Variants in RBFOX3 observed in about 807,000 individuals in gnomAD.
RBFOX3 encodes RNA binding protein fox-1 homolog 3.
A neutral mutation model predicts 48.7 loss-of-function variants in RBFOX3; 17 were observed. The observed-to-expected ratio is 0.35, with a 90% CI of 0.24 to 0.52. The LOEUF (loss-of-function observed/expected upper bound fraction) is 0.52. RBFOX3 is among the 20% of genes least tolerant of loss of function. RBFOX3 has a pLI of 0.94. For synonymous variants in RBFOX3, 212 were observed against 209.5 expected (o/e 1.01, Z -0.10); for missense variants, 382 against 497.5 (o/e 0.77, Z 2.21).
intron 1 of RBFOX3, among the ~76,000 whole-genome samples, chr17:79,507,085 G>A (rs1419346800): frequency 2.0e-5 from 3 of 152,178 alleles, no homozygotes; most frequent in African/African-American, 7.2e-5. Flanking sequence ...GAGCGGAGGA[G>A]CCTGGCCGGA....
chr17:79,097,623 A>G, intron 10 of RBFOX3, 69 bp downstream of exon 10: 1 of 438,026 alleles, frequency 2.3e-6, no homozygotes, highest in South Asian at 3.9e-5. Flanking sequence ...CCCCGCCCCC[A>G]GAGCCCCCGG....
the RBFOX3 span, among the ~76,000 whole-genome samples, chr17:79,625,378 C>T: frequency 1.3e-5 from 2 of 152,212 alleles, no homozygotes; most frequent in African/African-American, 4.8e-5. Flanking sequence ...TATTCCATCG[C>T]ATGGATGTGC....
chr17:79,506,265 G>A (rs1444975348), intron 1 of RBFOX3, among the ~76,000 whole-genome samples: 1 of 152,196 alleles, frequency 6.6e-6, no homozygotes, highest in African/African-American at 2.4e-5. Context: ...TCCAGAAGGG[G>A]TGGGGAGGGA....
the RBFOX3 span, among the ~76,000 whole-genome samples, chr17:79,618,330 A>C: frequency 1.3e-5 from 2 of 152,148 alleles, no homozygotes; most frequent in Admixed American, 1.3e-4. Flanking sequence ...CCCGTCTTCC[A>C]TCTCCTTGTC....
intron 4 of RBFOX3, among the ~76,000 whole-genome samples, chr17:79,215,798 G>A (rs891520732): frequency 1.3e-5 from 2 of 152,262 alleles, no homozygotes; most frequent in Admixed American, 1.3e-4. Flanking sequence ...CTGAAGCGGA[G>A]CACCCACTGC....
chr17:79,659,689 CTTTG>C, the RBFOX3 span, among the ~76,000 whole-genome samples: 1 of 152,128 alleles, frequency 6.6e-6, no homozygotes, highest in Non-Finnish European at 1.5e-5. Flanking sequence ...TTTGTTACTG[CTTTG>C]TTTAAGAAAA....
chr17:79,153,969 C>T (rs186524841), intron 4 of RBFOX3, among the ~76,000 whole-genome samples: 416 of 152,278 alleles, frequency 2.7e-3, no homozygotes, highest in Middle Eastern at 0.014. Context: ...GGGCCCAGTC[C>T]GGCTCCCACG....
At chr17:79,100,273 T>C (rs1046937069) in intron 9 of RBFOX3, 1 of 152,228 alleles carries the variant, frequency 6.6e-6, no homozygotes, top group South Asian at 2.1e-4. Context: ...TGATCACCTG[T>C]ACCCTATAAA....
intron 2 of RBFOX3, among the ~76,000 whole-genome samples, chr17:79,401,243 C>T (rs2062765185): frequency 6.6e-6 from 1 of 152,208 alleles, no homozygotes; most frequent in Non-Finnish European, 1.5e-5. Context: ...GCCAGCTTCT[C>T]GGAAAGGAGC....
chr17:79,406,047 T>C (rs1360540389), intron 2 of RBFOX3, among the ~76,000 whole-genome samples: 1 of 152,246 alleles, frequency 6.6e-6, no homozygotes, highest in Non-Finnish European at 1.5e-5. Context: ...CATGGCTGTG[T>C]AATATTCCTA....
At chr17:79,333,522 G>A (rs2080730647) in intron 2 of RBFOX3, among the ~76,000 whole-genome samples, 1 of 152,220 alleles carries the variant, frequency 6.6e-6, no homozygotes, top group South Asian at 2.1e-4. Context: ...TTCAGAGGCT[G>A]CAAGTGAAAA....
the RBFOX3 span, among the ~76,000 whole-genome samples, chr17:79,626,499 C>T: frequency 1.3e-5 from 2 of 152,222 alleles, no homozygotes; most frequent in African/African-American, 2.4e-5. Flanking sequence ...CATCATCCCC[C>T]GTCTGGAACC....
At chr17:79,379,167 G>A (rs191830794) in intron 2 of RBFOX3, among the ~76,000 whole-genome samples, 4 of 152,308 alleles carry the variant, frequency 2.6e-5, no homozygotes, top group Admixed American at 6.5e-5. Flanking sequence ...GGCACGCGTC[G>A]GGGTGAGCCA....
chr17:79,637,124 A>C, the RBFOX3 span, among the ~76,000 whole-genome samples: 1 of 152,226 alleles, frequency 6.6e-6, no homozygotes, highest in Non-Finnish European at 1.5e-5. Flanking sequence ...GTCTATATGC[A>C]CTCAACATCA....
chr17:79,490,978 G>C (rs1360053826), intron 1 of RBFOX3, among the ~76,000 whole-genome samples: 1 of 144,654 alleles, frequency 6.9e-6, no homozygotes, highest in Non-Finnish European at 1.5e-5. Context: ...TGCATTCATG[G>C]GAGGTGTTCT....
chr17:79,154,141 C>T (rs2045235075), intron 4 of RBFOX3, among the ~76,000 whole-genome samples: 1 of 152,056 alleles, frequency 6.6e-6, no homozygotes, highest in South Asian at 2.1e-4. Context: ...CCAGTCCCGC[C>T]CCACCTGGCT....
intron 3 of RBFOX3, among the ~76,000 whole-genome samples, chr17:79,255,986 G>A (rs2064778653): frequency 6.6e-6 from 1 of 151,658 alleles, no homozygotes; most frequent in Non-Finnish European, 1.5e-5. Context: ...GGCTTCCAAA[G>A]CAGCCATCCA....
intron 3 of RBFOX3, among the ~76,000 whole-genome samples, chr17:79,239,462 A>G (rs1425707889): frequency 2.0e-5 from 3 of 152,184 alleles, no homozygotes; most frequent in Non-Finnish European, 4.4e-5. Context: ...GACTTCCCCA[A>G]GTGCACATGC....
chr17:79,378,569 G>A (rs556991826), intron 2 of RBFOX3, among the ~76,000 whole-genome samples: 6 of 152,312 alleles, frequency 3.9e-5, no homozygotes, highest in South Asian at 2.1e-4. Context: ...GACAGGGTTC[G>A]GATGGGTGGG....
Sources: gnomAD v4.1 joint callset for allele counts (sites outside exome capture counted in the v4.1 genomes callset) on GRCh38, gnomAD v4.1.1 for gene constraint, MANE v1.5 for transcripts, NCBI Gene and HGNC (gene_info 2026-07-23, HGNC 2026-07-21) for gene names.